The following CYTH3 variants were observed in gnomAD, a reference collection of about 807,000 sequenced individuals.
CYTH3 encodes cytohesin 3.
A neutral mutation model predicts 55.1 loss-of-function variants in CYTH3; 23 were observed. The observed-to-expected ratio is 0.42, with a 90% CI of 0.30 to 0.59. CYTH3 has a LOEUF of 0.59. CYTH3 is among the 20% of genes least tolerant of loss of function. The pLI is 0.20. For missense variants in CYTH3, 413 were observed against 524.8 expected (o/e 0.79, Z 2.08); for synonymous variants, 249 against 194.9 (o/e 1.28, Z -2.31).
intron 1 of CYTH3, among the ~76,000 whole-genome samples, chr7:6,244,084 T>G (rs562316296): frequency 6.6e-6 from 1 of 152,356 alleles, no homozygotes; most frequent in South Asian, 2.1e-4. Flanking sequence ...TGTGTTGAAG[T>G]TGCATGTTCT....
At chr7:6,195,685 G>T (rs1283529304) in intron 1 of CYTH3, among the ~76,000 whole-genome samples, 1 of 152,050 alleles carries the variant, frequency 6.6e-6, no homozygotes, top group African/African-American at 2.4e-5. Context: ...AATGAGGAAG[G>T]AACTACAATT....
intron 1 of CYTH3, among the ~76,000 whole-genome samples, chr7:6,213,426 T>C (rs1391812130): frequency 1.3e-5 from 2 of 152,186 alleles, no homozygotes; most frequent in Non-Finnish European, 2.9e-5. Context: ...TGTGTCAATC[T>C]TAAAGTCAAG....
At chr7:6,195,460 T>G (rs376120832) in intron 1 of CYTH3, among the ~76,000 whole-genome samples, 2 of 152,170 alleles carry the variant, frequency 1.3e-5, no homozygotes, top group South Asian at 4.1e-4. Context: ...TTCTTTTTCT[T>G]TTTTATTTTT....
In CYTH3 at chr7:6,165,369, G is replaced by A. The variant is rs551111893; in HGVS notation, c.1031C>T (p.Thr344Ile). 5 of 1,614,070 alleles carry A rather than the reference G, an allele frequency of 3.1e-6. No homozygotes were observed. The highest frequency in any genetic ancestry group is 1.7e-5 in the Admixed American group (1 of 60,026). The change falls in exon 12 of 13, where the codon ACT becomes ATT. Residue 344 changes from threonine (T) to isoleucine (I), a missense_variant. Transcript: ENST00000350796. ...HKGQVIKACK[T>I]EADGRVVEGN... ...CTCTACCACGCGGCCGTCGGCCTCA[G>A]TCTTACAGGCCTTGATGACCTGCCC...
chr7:6,209,477 G>A (rs1484080714), intron 1 of CYTH3, among the ~76,000 whole-genome samples: 1 of 152,200 alleles, frequency 6.6e-6, no homozygotes, highest in Non-Finnish European at 1.5e-5. Flanking sequence ...GCCAGAAGCT[G>A]TCGTTGGCGG....
chr7:6,209,326 G>A (rs1034010826), intron 1 of CYTH3, among the ~76,000 whole-genome samples: 1 of 152,118 alleles, frequency 6.6e-6, no homozygotes, highest in African/African-American at 2.4e-5. Flanking sequence ...AAAAAATATT[G>A]TAAGATCTTG....
At chr7:6,257,742 C>T (rs1263038276) in intron 1 of CYTH3, among the ~76,000 whole-genome samples, 1 of 152,192 alleles carries the variant, frequency 6.6e-6, no homozygotes, top group Non-Finnish European at 1.5e-5. Context: ...CTACCTGCTG[C>T]TACAGCCAGT....
intron 2 of CYTH3, among the ~76,000 whole-genome samples, chr7:6,187,936 C>G (rs1246916306): frequency 6.6e-6 from 1 of 152,164 alleles, no homozygotes. Flanking sequence ...CACTTTTCAT[C>G]AGATACCAGG....
At position 6,163,046 on chromosome 7, in the gene CYTH3, T is replaced by C. The variant is rs1346786535; in HGVS notation, c.*1898A>G. 6.5e-6 allele frequency: 1 copy of C among 152,682 alleles called. No homozygotes were observed. Among genetic ancestry groups the C allele is most frequent in the African/African-American group, 2.4e-5 (1 of 41,460 alleles). The allele number at this position is 152,682 out of a possible 1,614,324, so 9.5% of individuals were successfully genotyped here. On this transcript the variant is annotated 3_prime_UTR_variant, in exon 13 of 13. Transcript: ENST00000350796. ...AGTCAGGCATTTCAAGAACGCTGAC[T>C]TGCCTTTCTCAGAACTAAAACTTCC...
At chr7:6,266,043 G>A (rs1448982588) in intron 1 of CYTH3, among the ~76,000 whole-genome samples, 1 of 152,026 alleles carries the variant, frequency 6.6e-6, no homozygotes, top group African/African-American at 2.4e-5. Context: ...TTTTCTGTAT[G>A]TTTTATACAG....
chr7:6,240,853 C>T (rs201046921), intron 1 of CYTH3, among the ~76,000 whole-genome samples: 3 of 151,970 alleles, frequency 2.0e-5, no homozygotes, highest in Non-Finnish European at 4.4e-5. Context: ...CAGTAGCTCG[C>T]GCCTGTAATC....
chr7:6,192,312 G>T (rs1383183220), intron 1 of CYTH3, among the ~76,000 whole-genome samples: 2 of 151,890 alleles, frequency 1.3e-5, no homozygotes, highest in Non-Finnish European at 2.9e-5. Context: ...TGAACTCCTG[G>T]GCTCAAGCAA....
intron 1 of CYTH3, among the ~76,000 whole-genome samples, chr7:6,206,814 C>A (rs1470051993): frequency 6.6e-6 from 1 of 152,136 alleles, no homozygotes; most frequent in African/African-American, 2.4e-5. Flanking sequence ...CTCACTGCCA[C>A]CTCTACCTTA....
intron 4 of CYTH3, among the ~76,000 whole-genome samples, chr7:6,185,550 A>C (rs567100606): frequency 6.6e-6 from 1 of 151,972 alleles, no homozygotes; most frequent in African/African-American, 2.4e-5. Context: ...AATACAAAAA[A>C]TTAGCCGGGC....
chr7:6,170,929 G>A lies in CYTH3; in HGVS notation c.612C>T (p.Leu204=). 1 of 1,614,064 alleles carries A rather than the reference G, an allele frequency of 6.2e-7. No homozygotes were observed. The highest frequency in any genetic ancestry group is 8.5e-7 in the Non-Finnish European group (1 of 1,179,946). ...GCTTGTCACGCACGTTGTGGTTGTGGAGGCTGGTGTTGAGCATGATGATGG... is the reference window on the plus strand; with the variant it reads ...GCTTGTCACGCACGTTGTGGTTGTGAAGGCTGGTGTTGAGCATGATGATGG... ...SFAIIMLNTS[L]HNHNVRDKPT... The change falls in exon 8 of 13, where the codon CTC becomes CTT. Residue 204 remains leucine, a synonymous_variant. Coordinates refer to ENST00000350796, the MANE Select transcript of CYTH3 (RefSeq NM_004227.4). This position sits in a 1 kb window ranked among gnomAD's most constrained non-coding sequence, Gnocchi z 7.8.
At chr7:6,228,229 G>T (rs879805382) in intron 1 of CYTH3, among the ~76,000 whole-genome samples, 2 of 151,860 alleles carry the variant, frequency 1.3e-5, no homozygotes, top group Admixed American at 1.3e-4. Context: ...TAAAGAGAAT[G>T]ATCATATAAG....
At chr7:6,255,617 A>T (rs1413056241) in intron 1 of CYTH3, among the ~76,000 whole-genome samples, 1 of 152,022 alleles carries the variant, frequency 6.6e-6, no homozygotes, top group Non-Finnish European at 1.5e-5. Flanking sequence ...CCTCATCAAG[A>T]TAGGGAGGGA....
At chr7:6,179,218 A>C (rs118146905) in intron 4 of CYTH3, among the ~76,000 whole-genome samples, 10 of 152,354 alleles carry the variant, frequency 6.6e-5, no homozygotes, top group Non-Finnish European at 1.3e-4. Context: ...ATGAACACTC[A>C]CAAGAATGAA....
At chr7:6,257,329 T>A (rs2115055472) in intron 1 of CYTH3, among the ~76,000 whole-genome samples, 1 of 152,336 alleles carries the variant, frequency 6.6e-6, no homozygotes, top group Admixed American at 6.5e-5. Flanking sequence ...ATTTGTCTGA[T>A]CCTTTCTCAA....
Sources: gnomAD v4.1 joint callset for allele counts (sites outside exome capture counted in the v4.1 genomes callset) on GRCh38, gnomAD v4.1.1 for gene constraint, Gnocchi (gnomAD v3.1) non-coding constraint, MANE v1.5 for transcripts, NCBI Gene and HGNC (gene_info 2026-07-23, HGNC 2026-07-21) for gene names.